Variants in CYP4X1 observed in about 807,000 individuals in gnomAD.
CYP4X1 encodes the protein cytochrome P450 4X1.
CYP4X1 carries 44 observed loss-of-function variants against 57.9 expected under a neutral mutation model. That is an observed-to-expected ratio of 0.76 (90% CI 0.60 to 0.98). CYP4X1 has a LOEUF of 0.98. Among genes scored for constraint, CYP4X1 ranks in the 50% least tolerant of loss-of-function variants. CYP4X1 has a pLI of 0.00. For missense variants in CYP4X1, 532 were observed against 623.9 expected (o/e 0.85, Z 1.57); for synonymous variants, 227 against 228.6 (o/e 0.99, Z 0.06).
chr1:47,006,447 G>A, the CYP4X1 span, among the ~76,000 whole-genome samples: 3 of 152,190 alleles, frequency 2.0e-5, no homozygotes, highest in East Asian at 1.9e-4. Flanking sequence ...TTATCTAAGA[G>A]AGGTGGAGCC....
In CYP4X1 at chr1:47,030,007, CAT is replaced by C. The variant is rs1171286808; in HGVS notation, c.196_197del (p.Met66GlyfsTer4). On this transcript the variant is annotated frameshift_variant, in exon 2 of 12. Transcript: ENST00000371901. LOFTEE classifies it high-confidence loss of function. ...CACTGCAGTTTATTCAGGATGATAA[CAT>C]GGAGAAGCTTGAGGAAATTATTGAA... is the stretch of plus-strand genomic sequence containing the variant. ...GHQKFIQDDN[M>X]EKLEEIIEKY... is the part of the protein sequence containing the mutation. The C allele has an allele frequency of 6.2e-7, 1 of 1,613,844 alleles. No homozygotes were observed. Among genetic ancestry groups the C allele is most frequent in the African/African-American group, 1.3e-5 (1 of 74,882 alleles).
the CYP4X1 span, among the ~76,000 whole-genome samples, chr1:47,013,970 T>C: frequency 6.6e-6 from 1 of 152,064 alleles, no homozygotes; most frequent in Non-Finnish European, 1.5e-5. Flanking sequence ...AGATAGTGTT[T>C]CGCCAAGTTG....
rs1324154136 is a variant in CYP4X1, at chr1:47,033,354, G to C, written c.478G>C (p.Val160Leu). 1 of 1,613,558 alleles carries C rather than the reference G, an allele frequency of 6.2e-7. No homozygotes were observed. Among genetic ancestry groups the C allele is most frequent in the Non-Finnish European group, 8.5e-7 (1 of 1,179,770 alleles). Residue 160 changes from valine (V) to leucine (L), a missense_variant, in exon 4 of 12, where the codon GTG (valine) becomes CTG (leucine). Val to Leu is a conservative substitution (Grantham distance 32). Coordinates refer to ENST00000371901, the MANE Select transcript of CYP4X1 (RefSeq NM_178033.2). ...ATACATTGAGGTGATGGCTCATTCT[G>C]TGAAAATGATGCTGGTAAGTAAAGG... ...KAYIEVMAHS[V>L]KMMLDKWEKI...
At chr1:46,963,890 A>G in the CYP4X1 span, among the ~76,000 whole-genome samples, 1 of 152,324 alleles carries the variant, frequency 6.6e-6, no homozygotes, top group East Asian at 1.9e-4. Context: ...CCAATCAGAC[A>G]TAGATTTGGT....
chr1:47,052,742 T>C (rs1361473342), downstream of CYP4X1, among the ~76,000 whole-genome samples: 1 of 152,108 alleles, frequency 6.6e-6, no homozygotes. Flanking sequence ...AAATCTTCTT[T>C]GGAACTCAGT....
At chr1:47,022,132 TAAC>T (rs1319981103), upstream of CYP4X1, among the ~76,000 whole-genome samples, 4 of 152,078 alleles carry the variant, frequency 2.6e-5, no homozygotes, top group Admixed American at 6.5e-5. Flanking sequence ...CCCTGTCAAA[TAAC>T]AACATCTAGT....
intron 8 of CYP4X1, among the ~76,000 whole-genome samples, chr1:47,043,527 G>T (rs1055042299): frequency 6.6e-6 from 1 of 151,862 alleles, no homozygotes; most frequent in East Asian, 1.9e-4. Flanking sequence ...GCTTGGTTTT[G>T]CATCTGCTTT....
chr1:47,030,246 C>A, intron 2 of CYP4X1, 115 bp downstream of exon 2: 2 of 1,311,738 alleles, frequency 1.5e-6, no homozygotes, highest in Non-Finnish European at 2.1e-6. Flanking sequence ...GACACAGCAG[C>A]AAGTATGGGG....
At chr1:47,032,121 G>A (rs1006785188) in intron 3 of CYP4X1, among the ~76,000 whole-genome samples, 15 of 151,414 alleles carry the variant, frequency 9.9e-5, no homozygotes, top group African/African-American at 2.9e-4. Flanking sequence ...TCCTTCTCTC[G>A]TTTTCTTGGA....
At chr1:47,006,795 G>A in the CYP4X1 span, among the ~76,000 whole-genome samples, 7 of 152,216 alleles carry the variant, frequency 4.6e-5, no homozygotes, top group Non-Finnish European at 8.8e-5. Context: ...TCCTGCGACT[G>A]GCTTGGAGGG....
At chr1:46,991,046 A>G in the CYP4X1 span, among the ~76,000 whole-genome samples, 1 of 152,056 alleles carries the variant, frequency 6.6e-6, no homozygotes, top group Admixed American at 6.5e-5. Context: ...CTTAAAAAAA[A>G]AAAAAAAGAG....
the CYP4X1 span, among the ~76,000 whole-genome samples, chr1:46,993,646 C>T: frequency 3.9e-5 from 6 of 152,186 alleles, no homozygotes; most frequent in Non-Finnish European, 8.8e-5. Flanking sequence ...GAGATGGTAT[C>T]TCATTGCGGT....
chr1:46,962,214 T>G, the CYP4X1 span, among the ~76,000 whole-genome samples: 2 of 152,174 alleles, frequency 1.3e-5, no homozygotes, highest in Admixed American at 6.6e-5. Flanking sequence ...CCTCCCGGGT[T>G]CGAGTGATTC....
the CYP4X1 span, among the ~76,000 whole-genome samples, chr1:47,008,203 C>T: frequency 6.6e-6 from 1 of 152,166 alleles, no homozygotes; most frequent in Non-Finnish European, 1.5e-5. Flanking sequence ...AAGGGAAGCC[C>T]ATCAGACTAA....
chr1:47,011,980 T>C, the CYP4X1 span, among the ~76,000 whole-genome samples: 1 of 152,168 alleles, frequency 6.6e-6, no homozygotes, highest in Non-Finnish European at 1.5e-5. Context: ...ACTAGTTCAA[T>C]CATTGTGGAA....
downstream of CYP4X1, among the ~76,000 whole-genome samples, chr1:47,055,314 G>A (rs1051700680): frequency 7.2e-5 from 11 of 152,084 alleles, no homozygotes; most frequent in African/African-American, 2.2e-4. Flanking sequence ...TGCTGGATTC[G>A]GCTTGCCAGT....
intron 2 of CYP4X1, 81 bp from the exon 3 acceptor site, chr1:47,031,355 G>T: frequency 6.6e-7 from 1 of 1,522,384 alleles, no homozygotes; most frequent in Non-Finnish European, 9.0e-7. Context: ...GTGCAGAAAT[G>T]CAGAAAACCG....
the CYP4X1 span, among the ~76,000 whole-genome samples, chr1:46,969,547 T>G: frequency 6.6e-6 from 1 of 152,250 alleles, no homozygotes; most frequent in East Asian, 1.9e-4. Context: ...GAATTCATCA[T>G]TGGAAGGATT....
At chr1:47,000,839 G>A in the CYP4X1 span, 2 of 153,530 alleles carry the variant, frequency 1.3e-5, no homozygotes, top group African/African-American at 4.8e-5. Flanking sequence ...TAGAAAGAAG[G>A]ATATAGGCAA....
Sources: gnomAD v4.1 joint callset for allele counts (sites outside exome capture counted in the v4.1 genomes callset) on GRCh38, gnomAD v4.1.1 for gene constraint, MANE v1.5 for transcripts, NCBI Gene and HGNC (gene_info 2026-07-23, HGNC 2026-07-21) for gene names.